Variants in TRAPPC9 observed in about 807,000 individuals in gnomAD.
TRAPPC9 encodes the protein IKK2 binding protein.
A neutral mutation model predicts 124.0 loss-of-function variants in TRAPPC9; 83 were observed. The ratio of observed to expected loss-of-function variants is 0.67; its 90% CI spans 0.56 to 0.80. The LOEUF is 0.80. TRAPPC9 is among the 30% of genes least tolerant of loss of function. The pLI is 0.00. For missense variants in TRAPPC9, 1,302 were observed against 1,508.3 expected (o/e 0.86, Z 2.27); for synonymous variants, 638 against 617.5 (o/e 1.03, Z -0.49).
chr8:139,955,780 C>T (rs1334935354), intron 19 of TRAPPC9, among the ~76,000 whole-genome samples: 4 of 152,196 alleles, frequency 2.6e-5, no homozygotes, highest in African/African-American at 7.2e-5. Flanking sequence ...GAGGGCTGTG[C>T]TAACATTCTG....
intron 17 of TRAPPC9, among the ~76,000 whole-genome samples, chr8:140,131,461 CCT>C (rs748534668): frequency 6.6e-6 from 1 of 152,190 alleles, no homozygotes; most frequent in Non-Finnish European, 1.5e-5. Context: ...GCAACAGCCC[CCT>C]GAGGAAGAAA....
intron 16 of TRAPPC9, among the ~76,000 whole-genome samples, chr8:140,245,931 C>G (rs368909986): frequency 7.9e-5 from 12 of 152,272 alleles, no homozygotes; most frequent in African/African-American, 2.4e-4. Context: ...ATGATGATAT[C>G]CGAATTCTAT....
intron 17 of TRAPPC9, among the ~76,000 whole-genome samples, chr8:140,211,815 A>T (rs1329754032): frequency 1.3e-5 from 2 of 152,330 alleles, no homozygotes; most frequent in African/African-American, 4.8e-5. Flanking sequence ...TATCCGGGTC[A>T]AGAAATGTGT....
intron 5 of TRAPPC9, among the ~76,000 whole-genome samples, chr8:140,414,605 CT>C (rs1478263040): frequency 6.6e-6 from 1 of 152,054 alleles, no homozygotes; most frequent in East Asian, 1.9e-4. Flanking sequence ...CAACAGAATT[CT>C]TTTTTTATAA....
chr8:140,426,498 C>CT, intron 5 of TRAPPC9, 117 bp downstream of exon 5: 14 of 1,085,094 alleles, frequency 1.3e-5, no homozygotes, highest in Non-Finnish European at 1.7e-5. Flanking sequence ...TTTAAAGTTA[C>CT]TTAAATCAGA....
Position 139,800,126 on chromosome 8 carries a change from G to A in TRAPPC9, c.3056-67924C>T, listed in dbSNP as rs144543681. On this transcript the variant is annotated intron_variant, in intron 21 of 22. Transcript: ENST00000438773. ...AGACGGAGAGGGCATTGTACTGGAC[G>A]GGCCAGACTGCGCTCCTGCCGCTGG... is the stretch of plus-strand genomic sequence containing the variant. 7.3e-3 allele frequency among the ~76,000 whole-genome samples: 1,116 copies of A among 152,386 alleles called. 15 individuals are homozygous for A. Among genetic ancestry groups the A allele is most frequent in the African/African-American group, 0.025 (1,055 of 41,592 alleles).
intron 21 of TRAPPC9, among the ~76,000 whole-genome samples, chr8:139,755,476 G>C (rs1411917332): frequency 6.9e-6 from 1 of 145,732 alleles, no homozygotes; most frequent in African/African-American, 2.6e-5. Context: ...AGGACAGCAG[G>C]TCCCAGGAGG....
intron 19 of TRAPPC9, among the ~76,000 whole-genome samples, chr8:139,927,385 C>T (rs1029498296): frequency 6.6e-6 from 1 of 152,138 alleles, no homozygotes; most frequent in Admixed American, 6.6e-5. Context: ...GCTGGGACTA[C>T]AAGTGTGCAC....
At chr8:140,265,898 G>T (rs114473163) in intron 15 of TRAPPC9, among the ~76,000 whole-genome samples, 4 of 152,114 alleles carry the variant, frequency 2.6e-5, no homozygotes, top group African/African-American at 9.7e-5. Context: ...AAACATTTAT[G>T]AATTTTTAAT....
At chr8:140,304,018 G>A (rs1447276734) in intron 10 of TRAPPC9, among the ~76,000 whole-genome samples, 1 of 152,060 alleles carries the variant, frequency 6.6e-6, no homozygotes. Context: ...ACACTAACAG[G>A]AGCTTTAGTC....
chr8:140,180,511 C>A (rs1406693192), intron 17 of TRAPPC9, among the ~76,000 whole-genome samples: 1 of 151,934 alleles, frequency 6.6e-6, no homozygotes, highest in African/African-American at 2.4e-5. Context: ...ATATTTCTAC[C>A]ATTTCTAATA....
At chr8:140,132,327 C>T (rs2061223154) in intron 17 of TRAPPC9, among the ~76,000 whole-genome samples, 1 of 152,216 alleles carries the variant, frequency 6.6e-6, no homozygotes, top group African/African-American at 2.4e-5. Context: ...GGGCCGAAAC[C>T]ACGTAAGACT....
At chr8:140,233,990 C>T (rs971679249) in intron 16 of TRAPPC9, among the ~76,000 whole-genome samples, 1 of 152,118 alleles carries the variant, frequency 6.6e-6, no homozygotes, top group African/African-American at 2.4e-5. Flanking sequence ...TATGCTAATA[C>T]AGTAGCCACT....
intron 16 of TRAPPC9, among the ~76,000 whole-genome samples, chr8:140,243,480 C>T (rs1032843194): frequency 6.6e-5 from 10 of 152,210 alleles, no homozygotes; most frequent in African/African-American, 2.4e-4. Flanking sequence ...ACTAGGCACA[C>T]ACTTGCCCCT....
intron 17 of TRAPPC9, among the ~76,000 whole-genome samples, chr8:140,124,883 G>A (rs976682864): frequency 1.3e-5 from 2 of 152,186 alleles, no homozygotes; most frequent in South Asian, 2.1e-4. Flanking sequence ...ATATTAATAC[G>A]TAGTTTCATA....
At chr8:140,114,564 C>A (rs2060843167) in intron 17 of TRAPPC9, among the ~76,000 whole-genome samples, 1 of 152,176 alleles carries the variant, frequency 6.6e-6, no homozygotes, top group Non-Finnish European at 1.5e-5. Context: ...AATCCCAGCA[C>A]AGGAAGGTAT....
chr8:139,789,961 C>T (rs1040414577), intron 21 of TRAPPC9, among the ~76,000 whole-genome samples: 7 of 152,176 alleles, frequency 4.6e-5, no homozygotes, highest in East Asian at 3.9e-4. Flanking sequence ...GCGTCCCTCC[C>T]GACCCAGGGG....
intron 21 of TRAPPC9, among the ~76,000 whole-genome samples, chr8:139,786,206 T>TCAAA (rs913219539): frequency 9.9e-5 from 15 of 152,190 alleles, no homozygotes; most frequent in African/African-American, 2.9e-4. Context: ...AGACTCTGTC[T>TCAAA]CAAACAAACA....
intron 17 of TRAPPC9, among the ~76,000 whole-genome samples, chr8:140,191,462 G>C (rs923012740): frequency 6.6e-6 from 1 of 152,096 alleles, no homozygotes. Flanking sequence ...TGAATGACTC[G>C]GCGCCATCCC....
Sources: gnomAD v4.1 joint callset for allele counts (sites outside exome capture counted in the v4.1 genomes callset) on GRCh38, gnomAD v4.1.1 for gene constraint, MANE v1.5 for transcripts, NCBI Gene and HGNC (gene_info 2026-07-23, HGNC 2026-07-21) for gene names.